The following CUX1 variants were observed in gnomAD, a reference collection of about 807,000 sequenced individuals.
The protein encoded by CUX1 is protein CASP.
In CUX1, 31 loss-of-function variants were observed where a neutral mutation model predicts 158.8. That is an observed-to-expected ratio of 0.20 (90% CI 0.15 to 0.26). The LOEUF (loss-of-function observed/expected upper bound fraction) is 0.26, where lower values mean the gene tolerates loss of function less well. CUX1 is among the 10% of genes least tolerant of loss of function. The pLI, the probability that CUX1 is intolerant of heterozygous loss-of-function variation, is 1.00. For synonymous variants in CUX1, 879 were observed against 862.1 expected, an observed-to-expected ratio of 1.02 and a Z score of -0.34; for missense variants, 1,589 against 2,014.6, an observed-to-expected ratio of 0.79 and a Z score of 4.04.
intron 2 of CUX1, among the ~76,000 whole-genome samples, chr7:101,921,440 TTTTATTTA>T (rs61205066): frequency 2.5e-4 from 37 of 150,096 alleles, no homozygotes; most frequent in Admixed American, 2.7e-4. Flanking sequence ...TTTTATTTTA[TTTTATTTA>T]TTTATTTATT....
chr7:101,850,977 G>A (rs1796210401), intron 1 of CUX1, among the ~76,000 whole-genome samples: 1 of 152,122 alleles, frequency 6.6e-6, no homozygotes, highest in African/African-American at 2.4e-5. Context: ...GTGTGGTGGT[G>A]TGCACCTGTA....
intron 20 of CUX1, among the ~76,000 whole-genome samples, chr7:102,225,193 G>A (rs782520087): frequency 2.0e-5 from 3 of 152,118 alleles, no homozygotes; most frequent in Non-Finnish European, 2.9e-5. Flanking sequence ...TCAAAAACCG[G>A]TTTGGCATGT....
In CUX1 at chr7:102,219,055, A is replaced by AACACACACACACACACACAC. The variant is rs3138788; in HGVS notation, c.3131-8291_3131-8272dup. Among the ~76,000 whole-genome samples, 1,042 of 126,312 alleles carry AACACACACACACACACACAC rather than the reference A, an allele frequency of 8.2e-3. 19 individuals are homozygous for AACACACACACACACACACAC. Among genetic ancestry groups the AACACACACACACACACACAC allele is most frequent in the East Asian group, 0.015 (51 of 3,292 alleles). 82.9% of individuals were successfully genotyped at this position (126,312 alleles called of 152,430 possible). A position where few individuals can be genotyped will look rare whatever the true frequency, so the allele number is the denominator to read the frequency against. Reference sequence around the variant, plus strand: ...ACAACAGATCAAGACCCTGCCTCAAAACACACACACACACACACACACACA... The same window carrying AACACACACACACACACACAC: ...ACAACAGATCAAGACCCTGCCTCAAAACACACACACACACACACACACACACACACACACACACACACACA... On this transcript the variant is annotated intron_variant, in intron 20 of 23. Transcript: ENST00000292535.
chr7:102,244,428 C>G (rs111422144), intron 23 of CUX1, among the ~76,000 whole-genome samples: 1 of 152,050 alleles, frequency 6.6e-6, no homozygotes, highest in African/African-American at 2.4e-5. Flanking sequence ...CAGGCTGGGC[C>G]GGGCACGGCC....
intron 2 of CUX1, among the ~76,000 whole-genome samples, chr7:101,963,702 G>T (rs1810791354): frequency 6.6e-6 from 1 of 152,102 alleles, no homozygotes; most frequent in Non-Finnish European, 1.5e-5. Flanking sequence ...GTCCAGGTTG[G>T]AGTGCAGTGG....
chr7:102,239,168 T>A, intron 22 of CUX1, 152 bp from the exon 23 acceptor site: 1 of 912,068 alleles, frequency 1.1e-6, no homozygotes, highest in Non-Finnish European at 1.6e-6. Flanking sequence ...ATTACAGGCA[T>A]GAGCCACCAT....
chr7:102,159,866 A>G (rs1554506531), intron 9 of CUX1, among the ~76,000 whole-genome samples: 1 of 149,824 alleles, frequency 6.7e-6, no homozygotes, highest in Non-Finnish European at 1.5e-5. Flanking sequence ...TACAAAATAA[A>G]ATTTAAAAAT....
intron 8 of CUX1, among the ~76,000 whole-genome samples, chr7:102,121,721 A>G (rs1024666701): frequency 1.3e-5 from 2 of 152,126 alleles, no homozygotes; most frequent in Non-Finnish European, 2.9e-5. Context: ...TCCTGAAGTC[A>G]CTGGGGCAGC....
At chr7:101,978,730 C>T (rs1481213650) in intron 2 of CUX1, among the ~76,000 whole-genome samples, 1 of 152,238 alleles carries the variant, frequency 6.6e-6, no homozygotes, top group African/African-American at 2.4e-5. Context: ...CCTCTGTCCT[C>T]CTCCTCTGCG....
chr7:101,973,054 G>A lies in CUX1; in HGVS notation c.142-55044G>A, dbSNP rs967735767. 3.3e-5 allele frequency among the ~76,000 whole-genome samples: 5 copies of A among 152,120 alleles called. 1 individual carries two copies. The highest frequency in any genetic ancestry group is 2.1e-4 in the South Asian group (1 of 4,826). On this transcript the variant is annotated intron_variant, in intron 2 of 23. Transcript: ENST00000292535. ...TTAGAGGGTTGCTTTTCAGGCAGCC[G>A]AAATCCCCGCATGCACCTTCTCGTA...
At chr7:102,045,557 T>G (rs1463838580) in intron 3 of CUX1, among the ~76,000 whole-genome samples, 1 of 152,268 alleles carries the variant, frequency 6.6e-6, no homozygotes, top group African/African-American at 2.4e-5. Flanking sequence ...TAAATGCTTG[T>G]GATATAGCAG....
Position 101,817,773 on chromosome 7 carries a change from C to T in CUX1, c.30+104C>T, listed in dbSNP as rs762880791. ...GCGGCTTAGAATGCTCTAGGGCGGC[C>T]TGGTGCTCTGGGAGGGGATAGGAGG... On this transcript the variant is annotated intron_variant, in intron 1 of 23. Coordinates refer to ENST00000292535, the MANE Select transcript of CUX1 (RefSeq NM_181552.4). This position sits in a 1 kb window ranked among gnomAD's most constrained non-coding sequence, Gnocchi z 4.1. 7.1e-7 allele frequency: 1 copy of T among 1,403,476 alleles called. No individual in the cohort carries two copies. The highest frequency in any genetic ancestry group is 9.6e-7 in the Non-Finnish European group (1 of 1,039,278). The allele number at this position is 1,403,476 out of a possible 1,614,324, so 86.9% of individuals were successfully genotyped here.
chr7:101,918,181 G>A (rs949125740), intron 2 of CUX1, among the ~76,000 whole-genome samples: 1 of 152,188 alleles, frequency 6.6e-6, no homozygotes, highest in Admixed American at 6.5e-5. Flanking sequence ...GACAGTGGAG[G>A]AGGAGCGTGT....
chr7:102,099,927 A>G (rs1829609450), intron 5 of CUX1, among the ~76,000 whole-genome samples: 1 of 151,986 alleles, frequency 6.6e-6, no homozygotes, highest in South Asian at 2.1e-4. Context: ...TCTCTCCCCA[A>G]AGATCTCATC....
intron 8 of CUX1, among the ~76,000 whole-genome samples, chr7:102,141,575 AG>A (rs1179121455): frequency 2.0e-5 from 3 of 152,018 alleles, no homozygotes; most frequent in Non-Finnish European, 4.4e-5. Flanking sequence ...GTATGCAATC[AG>A]AAATTTTTTT....
intron 18 of CUX1, among the ~76,000 whole-genome samples, chr7:102,203,584 G>A (rs998284390): frequency 6.6e-6 from 1 of 152,206 alleles, no homozygotes; most frequent in African/African-American, 2.4e-5. Flanking sequence ...ATAGACATTC[G>A]TGCTCATGCC....
intron 1 of CUX1, among the ~76,000 whole-genome samples, chr7:101,823,316 A>G (rs1792886171): frequency 6.6e-6 from 1 of 152,206 alleles, no homozygotes; most frequent in African/African-American, 2.4e-5. Context: ...CTAGGGATTT[A>G]CTAACACTGC....
At chr7:101,863,322 C>T (rs953637929) in intron 1 of CUX1, among the ~76,000 whole-genome samples, 1 of 150,754 alleles carries the variant, frequency 6.6e-6, no homozygotes, top group East Asian at 1.9e-4. Flanking sequence ...GTTCATGTGT[C>T]TTTGTCTTTT....
intron 1 of CUX1, among the ~76,000 whole-genome samples, chr7:101,837,303 C>G (rs1317984237): frequency 2.0e-5 from 3 of 152,188 alleles, no homozygotes; most frequent in Non-Finnish European, 4.4e-5. Context: ...TTAATATTCA[C>G]TAAAGTATAA....
Sources: gnomAD v4.1 joint callset for allele counts (sites outside exome capture counted in the v4.1 genomes callset) on GRCh38, gnomAD v4.1.1 for gene constraint, Gnocchi (gnomAD v3.1) non-coding constraint, MANE v1.5 for transcripts, NCBI Gene and HGNC (gene_info 2026-07-23, HGNC 2026-07-21) for gene names.